The following CYP7B1 variants were observed in gnomAD, a reference collection of about 807,000 sequenced individuals.
The protein encoded by CYP7B1 is cytochrome P450 family 7 subfamily B member 1.
In CYP7B1, 29 loss-of-function variants were observed where a neutral mutation model predicts 42.7. The ratio of observed to expected loss-of-function variants is 0.68; its 90% confidence interval spans 0.51 to 0.93. The LOEUF (loss-of-function observed/expected upper bound fraction) is 0.93, where lower values mean the gene tolerates loss of function less well. Among genes scored for constraint, CYP7B1 ranks in the 40% least tolerant of loss-of-function variants. The pLI is 0.00. For synonymous variants in CYP7B1, 235 were observed against 218.2 expected, an observed-to-expected ratio of 1.08 and a Z score of -0.68; for missense variants, 655 against 600.5, an observed-to-expected ratio of 1.09 and a Z score of -0.95.
At chr8:64,748,645 T>A (rs929849144) in intron 1 of CYP7B1, among the ~76,000 whole-genome samples, 10 of 152,170 alleles carry the variant, frequency 6.6e-5, no homozygotes, top group African/African-American at 2.2e-4. Context: ...CAGTGAAATG[T>A]TAGTATTCTT....
chr8:64,677,164 A>G (rs981395220), intron 1 of CYP7B1, among the ~76,000 whole-genome samples: 55 of 152,210 alleles, frequency 3.6e-4, no homozygotes, highest in African/African-American at 1.3e-3. Context: ...CAGGGAAAAA[A>G]TATACACTGT....
rs1031909076 is a variant in CYP7B1 at position 64,592,537 on chromosome 8, T to C, written c.*4105A>G. ...AATCCAGTGTCTAGCATCAATCATA[T>C]CTAGAACAGAGAAAATGCTCAATGA... On this transcript the variant is annotated 3_prime_UTR_variant, in exon 6 of 6. Transcript: ENST00000310193. 1.3e-5 allele frequency among the ~76,000 whole-genome samples: 2 copies of C among 152,228 alleles called. No individual in the cohort carries two copies. The highest frequency in any genetic ancestry group is 2.4e-5 in the African/African-American group (1 of 41,462).
At chr8:64,653,682 CAGAAG>C (rs1806074390) in intron 1 of CYP7B1, among the ~76,000 whole-genome samples, 1 of 152,168 alleles carries the variant, frequency 6.6e-6, no homozygotes, top group South Asian at 2.1e-4. Flanking sequence ...CAAAACCTGG[CAGAAG>C]CACAACAAAA....
chr8:64,715,659 G>A (rs1176633724), intron 1 of CYP7B1, among the ~76,000 whole-genome samples: 6 of 142,472 alleles, frequency 4.2e-5, no homozygotes, highest in African/African-American at 8.6e-5. Context: ...TGGCAACAGA[G>A]GGAAAATGGG....
At chr8:64,669,399 A>G (rs530247017) in intron 1 of CYP7B1, among the ~76,000 whole-genome samples, 1 of 152,290 alleles carries the variant, frequency 6.6e-6, no homozygotes, top group East Asian at 1.9e-4. Context: ...AAATGAAGAT[A>G]TAAAAGGTTT....
chr8:64,629,357 G>A (rs1805655390), intron 1 of CYP7B1, among the ~76,000 whole-genome samples: 1 of 151,864 alleles, frequency 6.6e-6, no homozygotes, highest in Non-Finnish European at 1.5e-5. Context: ...AACCTCCTAA[G>A]TAGGTGGTGA....
At chr8:64,691,172 G>A (rs925134370) in intron 1 of CYP7B1, among the ~76,000 whole-genome samples, 5 of 152,196 alleles carry the variant, frequency 3.3e-5, no homozygotes, top group Admixed American at 2.6e-4. Flanking sequence ...ATAGACATGG[G>A]CACTTATCAA....
chr8:64,634,716 T>A (rs1405220922), intron 1 of CYP7B1, among the ~76,000 whole-genome samples: 7 of 152,104 alleles, frequency 4.6e-5, no homozygotes, highest in East Asian at 1.9e-4. Context: ...TTGATTTTTT[T>A]AAAAAAGCTC....
At chr8:64,661,944 A>G (rs539550492) in intron 1 of CYP7B1, among the ~76,000 whole-genome samples, 1 of 152,326 alleles carries the variant, frequency 6.6e-6, no homozygotes, top group African/African-American at 2.4e-5. Context: ...TTCACATTCA[A>G]TGAATTCCAG....
chr8:64,755,658 C>T (rs746480451), intron 1 of CYP7B1, among the ~76,000 whole-genome samples: 1 of 151,930 alleles, frequency 6.6e-6, no homozygotes, highest in Admixed American at 6.6e-5. Context: ...TTTTTCTGTA[C>T]AAAGCTGGAT....
At chr8:64,770,328 C>A (rs1460080744) in intron 1 of CYP7B1, among the ~76,000 whole-genome samples, 1 of 152,106 alleles carries the variant, frequency 6.6e-6, no homozygotes, top group African/African-American at 2.4e-5. Context: ...CCCAGAAAAG[C>A]CCCTGATTTT....
At chr8:64,667,239 A>C (rs1478986606) in intron 1 of CYP7B1, among the ~76,000 whole-genome samples, 1 of 152,238 alleles carries the variant, frequency 6.6e-6, no homozygotes, top group Non-Finnish European at 1.5e-5. Context: ...TGAAAGAAAC[A>C]ATCACAAAAG....
intron 1 of CYP7B1, among the ~76,000 whole-genome samples, chr8:64,759,065 G>A (rs928412026): frequency 2.0e-5 from 3 of 152,192 alleles, no homozygotes; most frequent in African/African-American, 7.2e-5. Context: ...AAGGAAGGAG[G>A]AAGAAGGTAA....
chr8:64,766,304 T>C lies in CYP7B1; in HGVS notation c.122+32162A>G, dbSNP rs755407391. Reference sequence around the variant, plus strand: ...CTTTCTGGAGAGACAAAGGGAGGCATTGAGGAACCAAACCTCTCTGTCACC... The same window carrying C: ...CTTTCTGGAGAGACAAAGGGAGGCACTGAGGAACCAAACCTCTCTGTCACC... On this transcript the variant is annotated intron_variant, in intron 1 of 5. Transcript: ENST00000310193. Among the ~76,000 whole-genome samples the C allele has an allele frequency of 2.2e-4, 33 of 152,252 alleles. 1 individual carries two copies. Among genetic ancestry groups the C allele is most frequent in the Non-Finnish European group, 3.1e-4 (21 of 68,014 alleles).
At chr8:64,687,574 A>G (rs1806675349) in intron 1 of CYP7B1, among the ~76,000 whole-genome samples, 2 of 152,224 alleles carry the variant, frequency 1.3e-5, no homozygotes, top group African/African-American at 4.8e-5. Context: ...TTATATCTCA[A>G]TTAAGAAAAA....
intron 1 of CYP7B1, among the ~76,000 whole-genome samples, chr8:64,671,231 A>G (rs557108486): frequency 5.9e-5 from 9 of 152,288 alleles, no homozygotes; most frequent in Non-Finnish European, 1.2e-4. Flanking sequence ...GAAAGGTTTT[A>G]TATCAAACTA....
intron 1 of CYP7B1, among the ~76,000 whole-genome samples, chr8:64,639,560 C>T (rs1327520967): frequency 6.6e-6 from 1 of 151,938 alleles, no homozygotes; most frequent in Admixed American, 6.6e-5. Flanking sequence ...AAATGAGATA[C>T]TACTATACAC....
At chr8:64,672,637 A>G (rs933116008) in intron 1 of CYP7B1, among the ~76,000 whole-genome samples, 1 of 152,110 alleles carries the variant, frequency 6.6e-6, no homozygotes, top group Non-Finnish European at 1.5e-5. Context: ...AACCTAAGAG[A>G]TGCCCTTATC....
intron 1 of CYP7B1, among the ~76,000 whole-genome samples, chr8:64,796,539 TTAGAG>T (rs1161755588): frequency 2.0e-5 from 3 of 152,198 alleles, no homozygotes; most frequent in Non-Finnish European, 2.9e-5. Flanking sequence ...AAATTGAGAC[TTAGAG>T]TAGTTTGGCA....
Sources: allele counts gnomAD v4.1 joint callset (sites outside exome capture counted in the v4.1 genomes callset), GRCh38; gene constraint gnomAD v4.1.1; transcripts MANE v1.5; gene names NCBI Gene and HGNC (gene_info 2026-07-23, HGNC 2026-07-21).